Variants in PRKCA observed in about 807,000 individuals in gnomAD.
PRKCA encodes the protein protein kinase C alpha, also known as protein kinase C alpha type.
Under a neutral mutation model 87.0 loss-of-function variants are expected in PRKCA, and 27 were observed. The observed-to-expected ratio is 0.31, with a 90% CI of 0.23 to 0.43. PRKCA has a LOEUF of 0.43. PRKCA is among the 20% of genes least tolerant of loss of function. The pLI is 1.00. For synonymous variants in PRKCA, 329 were observed against 311.1 expected (o/e 1.06, Z -0.61); for missense variants, 518 against 852.3 (o/e 0.61, Z 4.88).
At chr17:66,528,924 T>C (rs193071634) in intron 3 of PRKCA, among the ~76,000 whole-genome samples, 1 of 152,240 alleles carries the variant, frequency 6.6e-6, no homozygotes. Flanking sequence ...AATGGTAGAG[T>C]TTCAAGTTCA....
At chr17:66,478,831 G>A (rs1003356665) in intron 2 of PRKCA, among the ~76,000 whole-genome samples, 3 of 152,140 alleles carry the variant, frequency 2.0e-5, no homozygotes, top group Non-Finnish European at 4.4e-5. Context: ...ACAGTAAATA[G>A]CCCCACATCA....
chr17:66,391,311 G>A (rs1014576232), intron 2 of PRKCA, among the ~76,000 whole-genome samples: 4 of 152,212 alleles, frequency 2.6e-5, no homozygotes, highest in Admixed American at 6.5e-5. Context: ...TACTGGTTGT[G>A]ATGTGATCTT....
chr17:66,575,382 C>A (rs943284797), intron 3 of PRKCA, among the ~76,000 whole-genome samples: 2 of 152,158 alleles, frequency 1.3e-5, no homozygotes, highest in African/African-American at 4.8e-5. Flanking sequence ...AGTTCTAGAC[C>A]AGCATGGCCA....
chr17:66,492,800 G>A lies in PRKCA; in HGVS notation c.206-3401G>A, dbSNP rs185727254. On this transcript the variant is annotated intron_variant, in intron 2 of 16. Coordinates refer to ENST00000413366, the MANE Select transcript of PRKCA (RefSeq NM_002737.3). ...TTTAGCAGAAACACAGTGGAGAAAG[G>A]CCACTTCTCTCAGGGCTTGTAGGAG... Among the ~76,000 whole-genome samples, 7 of 152,352 alleles carry A rather than the reference G, an allele frequency of 4.6e-5. No homozygotes were observed. The East Asian group carries it at 1.3e-3, about 29-fold the overall frequency.
rs556480928 is a variant in PRKCA at position 66,686,805 on chromosome 17, G to A, written c.530-306G>A. Among the ~76,000 whole-genome samples, 42 of 152,270 alleles carry A rather than the reference G, an allele frequency of 2.8e-4. No homozygotes were observed. In the East Asian group the frequency reaches 6.8e-3, roughly 25 times the overall value. ...TAAATTACAGATTCTGCTTTGGCAG[G>A]TTTGGGGTGGGACCTGGGTTTCTGC... On this transcript the variant is annotated intron_variant, in intron 5 of 16. Transcript: ENST00000413366.
chr17:66,508,176 C>T (rs1401412511), intron 3 of PRKCA, among the ~76,000 whole-genome samples: 2 of 152,232 alleles, frequency 1.3e-5, no homozygotes, highest in East Asian at 1.9e-4. Context: ...TGGGATCCAG[C>T]ACCCTCAAAC....
chr17:66,641,808 A>G (rs1234825411), intron 4 of PRKCA, among the ~76,000 whole-genome samples: 2 of 151,888 alleles, frequency 1.3e-5, no homozygotes, highest in Non-Finnish European at 2.9e-5. Context: ...CCAGGTCCAC[A>G]TTTGGTTATA....
At chr17:66,552,373 C>T (rs1021470654) in intron 3 of PRKCA, among the ~76,000 whole-genome samples, 2 of 152,202 alleles carry the variant, frequency 1.3e-5, no homozygotes, top group African/African-American at 4.8e-5. Flanking sequence ...CTTAAAGCAA[C>T]ACCATTTATT....
At chr17:66,578,588 C>T (rs550688637) in intron 3 of PRKCA, among the ~76,000 whole-genome samples, 1 of 152,154 alleles carries the variant, frequency 6.6e-6, no homozygotes. Context: ...CAAACCACCC[C>T]CTCCTCTGAG....
intron 2 of PRKCA, among the ~76,000 whole-genome samples, chr17:66,409,509 T>C (rs1911645998): frequency 6.6e-6 from 1 of 152,220 alleles, no homozygotes; most frequent in African/African-American, 2.4e-5. Flanking sequence ...ATATATGCTG[T>C]CACTCTCTCA....
intron 2 of PRKCA, among the ~76,000 whole-genome samples, chr17:66,322,659 A>C (rs1196282202): frequency 7.2e-6 from 1 of 138,116 alleles, no homozygotes. Flanking sequence ...TTTTTTGTAG[A>C]GATGGGGTCT....
intron 3 of PRKCA, among the ~76,000 whole-genome samples, chr17:66,522,809 T>TAAA (rs1229424235): frequency 2.4e-5 from 3 of 126,358 alleles, no homozygotes; most frequent in African/African-American, 9.0e-5. Flanking sequence ...GGTCGCTCAC[T>TAAA]AAAAAAAAAA....
chr17:66,688,192 A>G (rs1361776875), intron 6 of PRKCA, 110 bp from the exon 7 acceptor site: 1 of 1,389,508 alleles, frequency 7.2e-7, no homozygotes, highest in East Asian at 2.4e-5. Context: ...CTGGACCAGG[A>G]AGACAAATAT....
rs75888915 is a variant in PRKCA, at chr17:66,443,698, T to A, written c.206-52503T>A. Among the ~76,000 whole-genome samples the A allele has an allele frequency of 8.5e-5, 13 of 152,130 alleles. No homozygotes were observed. In the East Asian group the frequency reaches 2.5e-3, roughly 29 times the overall value. On this transcript the variant is annotated intron_variant, in intron 2 of 16. Coordinates refer to ENST00000413366, the MANE Select transcript of PRKCA (RefSeq NM_002737.3). ...CTGAATGGTAGTCCTCACGATGACATGTGTGGCCCATTTAATGAGAGAAGT... is the reference window on the plus strand; with the variant it reads ...CTGAATGGTAGTCCTCACGATGACAAGTGTGGCCCATTTAATGAGAGAAGT...
chr17:66,347,208 G>T (rs562462159), intron 2 of PRKCA, among the ~76,000 whole-genome samples: 35 of 152,078 alleles, frequency 2.3e-4, no homozygotes, highest in Middle Eastern at 3.4e-3. Flanking sequence ...TTATGAAAAA[G>T]GACATTTTCC....
At position 66,729,818 on chromosome 17, in the gene PRKCA, C is replaced by T. The variant is rs539739058; in HGVS notation, c.919-2870C>T. ...TTTTTTTTTCTGAGACAGAGTCTCACTCTATAGCCCAGGCTGGAGTGCAGT... is the reference window on the plus strand; with the variant it reads ...TTTTTTTTTCTGAGACAGAGTCTCATTCTATAGCCCAGGCTGGAGTGCAGT... On this transcript the variant is annotated intron_variant, in intron 8 of 16. Transcript: ENST00000413366. Among the ~76,000 whole-genome samples, 5 of 137,448 alleles carry T rather than the reference C, an allele frequency of 3.6e-5. No homozygotes were observed. In the East Asian group the frequency reaches 1.1e-3, roughly 31 times the overall value. The allele number at this position is 137,448 out of a possible 152,430, so 90.2% of individuals were successfully genotyped here. A position where few individuals can be genotyped will look rare whatever the true frequency, so the allele number is the denominator to read the frequency against.
chr17:66,578,140 C>A (rs8065601), intron 3 of PRKCA, among the ~76,000 whole-genome samples: 58,649 of 125,886 alleles, frequency 0.47, 12,469 homozygotes, highest in African/African-American at 0.6. Flanking sequence ...GAATTTAAAA[C>A]AAAACAAAAC....
chr17:66,406,585 GTTTTTT>G lies in PRKCA; in HGVS notation c.206-89597_206-89592del, dbSNP rs71160568. ...TCATGTAGCATTGTAGCTTTTCCAG[GTTTTTT>G]TTTTTTTTTTTTTTTTTTAAATGTC... On this transcript the variant is annotated intron_variant, in intron 2 of 16. Transcript: ENST00000413366. 1.2e-3 allele frequency among the ~76,000 whole-genome samples: 86 copies of G among 70,202 alleles called. 2 individuals are homozygous for G. The highest frequency in any genetic ancestry group is 2.1e-3 in the South Asian group (3 of 1,404). 46.1% of individuals were successfully genotyped at this position (70,202 alleles called of 152,430 possible).
intron 3 of PRKCA, among the ~76,000 whole-genome samples, chr17:66,573,890 T>G (rs548376798): frequency 1.3e-5 from 2 of 152,330 alleles, no homozygotes; most frequent in East Asian, 3.9e-4. Flanking sequence ...CTCGGGAGGC[T>G]GAGACTGGAG....
Sources: gnomAD v4.1 joint callset for allele counts (sites outside exome capture counted in the v4.1 genomes callset) on GRCh38, gnomAD v4.1.1 for gene constraint, MANE v1.5 for transcripts, NCBI Gene and HGNC (gene_info 2026-07-23, HGNC 2026-07-21) for gene names.